The following ATP11A variants were observed in gnomAD, a reference collection of about 807,000 sequenced individuals.
The protein encoded by ATP11A is phospholipid-transporting ATPase IH.
A neutral mutation model predicts 154.4 loss-of-function variants in ATP11A; 81 were observed. The ratio of observed to expected loss-of-function variants is 0.52; its 90% CI spans 0.44 to 0.63. The LOEUF (loss-of-function observed/expected upper bound fraction) is 0.63, where lower values mean the gene tolerates loss of function less well. Ranked by LOEUF, ATP11A falls within the 30% of genes least tolerant of loss-of-function variation. The pLI is 0.00. For missense variants in ATP11A, 1,316 were observed against 1,474.3 expected, an observed-to-expected ratio of 0.89 and a Z score of 1.76; for synonymous variants, 623 against 585.9, an observed-to-expected ratio of 1.06 and a Z score of -0.91.
At chr13:112,719,762 G>C (rs562337631) in intron 1 of ATP11A, among the ~76,000 whole-genome samples, 1 of 152,292 alleles carries the variant, frequency 6.6e-6, no homozygotes, top group East Asian at 1.9e-4. Context: ...AAACCGGTCT[G>C]TTTTGGGACC....
chr13:112,758,413 T>TTTTTTTTTC (rs1327623373), intron 1 of ATP11A, among the ~76,000 whole-genome samples: 4 of 149,410 alleles, frequency 2.7e-5, no homozygotes, highest in East Asian at 2.0e-4. Flanking sequence ...TTCACATTTC[T>TTTTTTTTTC]TTTTTTTTCT....
Position 112,819,319 on chromosome 13 carries a change from C to T in ATP11A, c.586C>T (p.Gln196Ter). 1 of 1,614,206 alleles carries T rather than the reference C, an allele frequency of 6.2e-7. No homozygotes were observed. Residue 196 changes from glutamine to a stop codon, truncating the protein, a stop_gained, in exon 7 of 30, where the codon CAG becomes TAG. Transcript: ENST00000375645. LOFTEE classifies it high-confidence loss of function. The part of the protein sequence containing the change: ...ESSHKTHYAV[Q>*]DTKGFHTEED... ...GCATTTGTAGACGCATTACGCGGTC[C>T]AGGACACCAAAGGCTTCCACACAGA...
chr13:112,873,984 A>G (rs1348782645), intron 27 of ATP11A, among the ~76,000 whole-genome samples: 1 of 152,248 alleles, frequency 6.6e-6, no homozygotes, highest in Non-Finnish European at 1.5e-5. Flanking sequence ...TTGAAAGGCC[A>G]GAGGTGACTT....
chr13:112,756,138 T>C lies in ATP11A; in HGVS notation c.40-28997T>C, dbSNP rs1460640319. Among the ~76,000 whole-genome samples, 5 of 152,364 alleles carry C rather than the reference T, an allele frequency of 3.3e-5. No homozygotes were observed. The East Asian group carries it at 9.6e-4, about 29-fold the overall frequency. ...TCTTAGCAACCCTGGTGTTGACATA[T>C]GTTGATTATAATGATATCCTTACAA... On this transcript the variant is annotated intron_variant, in intron 1 of 29. Transcript: ENST00000375645.
intron 20 of ATP11A, among the ~76,000 whole-genome samples, chr13:112,856,967 G>T (rs1052577485): frequency 6.6e-6 from 1 of 152,226 alleles, no homozygotes; most frequent in Non-Finnish European, 1.5e-5. Flanking sequence ...GACCTTCCAT[G>T]TGAGGAAGAC....
In ATP11A at chr13:112,831,492, C is replaced by G. The variant is rs762795941; in HGVS notation, c.1339C>G (p.Leu447Val). 6.2e-7 allele frequency: 1 copy of G among 1,614,096 alleles called. No individual in the cohort carries two copies. The change falls in exon 13 of 30, where the codon CTC becomes GTC. Residue 447 changes from leucine (L) to valine (V), a missense_variant. Physicochemically the swap from Leu to Val is conservative, Grantham distance 32. Around this residue, in one of 5 missense-constraint regions of ATP11A, gnomAD observed 876 missense variants for 1,006.8 expected, o/e 0.87. Coordinates refer to ENST00000375645, the MANE Select transcript of ATP11A (RefSeq NM_015205.3). ...VPHVICNGQVLPESSGIDMID... is the reference protein window; with the variant it reads ...VPHVICNGQVVPESSGIDMID... ...CCACGTCATCTGCAACGGGCAGGTC[C>G]TCCCAGAGTCGTCAGGAATCGACAT...
intron 29 of ATP11A, 96 bp downstream of exon 29, chr13:112,878,399 C>A: frequency 7.5e-7 from 1 of 1,326,660 alleles, no homozygotes; most frequent in Non-Finnish European, 1.1e-6. Context: ...TGCTCTGACG[C>A]AGCGTCCACC....
At chr13:112,866,882 C>T (rs2080352147) in intron 25 of ATP11A, among the ~76,000 whole-genome samples, 2 of 152,102 alleles carry the variant, frequency 1.3e-5, no homozygotes, top group Admixed American at 1.3e-4. Context: ...TATTATTTCA[C>T]TGTTTTAAAA....
rs2079665935 is a variant in ATP11A, at chr13:112,848,393, C to T, written c.1810-2644C>T. On this transcript the variant is annotated intron_variant, in intron 17 of 29. Coordinates refer to ENST00000375645, the MANE Select transcript of ATP11A (RefSeq NM_015205.3). Reference sequence around the variant, plus strand: ...GTTCATTGGTAGTGTATAGAAATGCCACTAGTTTTCGTGTGTTGACTTTGT... The same window carrying T: ...GTTCATTGGTAGTGTATAGAAATGCTACTAGTTTTCGTGTGTTGACTTTGT... 2.0e-5 allele frequency among the ~76,000 whole-genome samples: 3 copies of T among 151,902 alleles called. No individual in the cohort carries two copies. The South Asian group carries it at 6.2e-4, about 31-fold the overall frequency.
At chr13:112,745,099 C>T (rs1891978046) in intron 1 of ATP11A, among the ~76,000 whole-genome samples, 1 of 152,208 alleles carries the variant, frequency 6.6e-6, no homozygotes, top group South Asian at 2.1e-4. Flanking sequence ...GAGTCTTACT[C>T]TGTTGCTGAG....
At chr13:112,709,452 A>G (rs1391616727) in intron 1 of ATP11A, among the ~76,000 whole-genome samples, 5 of 152,174 alleles carry the variant, frequency 3.3e-5, no homozygotes, top group African/African-American at 9.7e-5. Flanking sequence ...GCAATAATCA[A>G]CTAAGATCCA....
intron 8 of ATP11A, among the ~76,000 whole-genome samples, chr13:112,822,187 C>T (rs1034628812): frequency 6.6e-6 from 1 of 152,248 alleles, no homozygotes; most frequent in Non-Finnish European, 1.5e-5. Context: ...AAGCAATCCT[C>T]TGAATGTTAT....
intron 24 of ATP11A, among the ~76,000 whole-genome samples, chr13:112,861,998 G>A (rs187593640): frequency 3.0e-4 from 45 of 152,248 alleles, no homozygotes; most frequent in African/African-American, 9.9e-4. Flanking sequence ...CACGTCAGGC[G>A]TAAGGTGTCA....
At chr13:112,701,832 C>G (rs1196200708) in intron 1 of ATP11A, among the ~76,000 whole-genome samples, 1 of 152,022 alleles carries the variant, frequency 6.6e-6, no homozygotes, top group Non-Finnish European at 1.5e-5. Context: ...GCTGTCAACA[C>G]ATTTATAACC....
chr13:112,792,908 C>A (rs2077898332), intron 2 of ATP11A, among the ~76,000 whole-genome samples: 1 of 152,198 alleles, frequency 6.6e-6, no homozygotes, highest in South Asian at 2.1e-4. Context: ...CTATACTGTC[C>A]CTCCATGCCT....
At chr13:112,847,179 G>A (rs1398052550) in intron 17 of ATP11A, among the ~76,000 whole-genome samples, 4 of 152,174 alleles carry the variant, frequency 2.6e-5, no homozygotes, top group Non-Finnish European at 5.9e-5. Flanking sequence ...GGGCCCCCTC[G>A]GTTGGCAGCA....
At chr13:112,733,656 G>A (rs1021199961) in intron 1 of ATP11A, among the ~76,000 whole-genome samples, 2 of 152,130 alleles carry the variant, frequency 1.3e-5, no homozygotes, top group East Asian at 3.9e-4. Context: ...TGGATCACAA[G>A]TGAAGGAGTA....
At chr13:112,853,463 A>G (rs2079834186) in intron 18 of ATP11A, among the ~76,000 whole-genome samples, 2 of 152,214 alleles carry the variant, frequency 1.3e-5, no homozygotes, top group South Asian at 4.1e-4. Context: ...ACTTTCTAGA[A>G]GCATGGCACG....
At chr13:112,755,038 C>T (rs535185956) in intron 1 of ATP11A, among the ~76,000 whole-genome samples, 6 of 152,244 alleles carry the variant, frequency 3.9e-5, no homozygotes, top group African/African-American at 1.4e-4. Context: ...GTAGCCAGGG[C>T]GCCGTCGTCA....
Sources: gnomAD v4.1 joint callset for allele counts (sites outside exome capture counted in the v4.1 genomes callset) on GRCh38, gnomAD v4.1.1 for gene constraint, gnomAD v4.1.1 regional missense constraint, MANE v1.5 for transcripts, NCBI Gene and HGNC (gene_info 2026-07-23, HGNC 2026-07-21) for gene names.